The following ROBO2 variants were observed in gnomAD, a reference collection of about 807,000 sequenced individuals.
The protein encoded by ROBO2 is roundabout homolog 2.
ROBO2 carries 53 observed loss-of-function variants against 160.8 expected under a neutral mutation model. The ratio of observed to expected loss-of-function variants is 0.33; its 90% CI spans 0.26 to 0.41. The LOEUF (loss-of-function observed/expected upper bound fraction) is 0.41. ROBO2 is among the 10% of genes least tolerant of loss of function. The pLI, the probability that ROBO2 is intolerant of heterozygous loss-of-function variation, is 1.00. For missense variants in ROBO2, 1,577 were observed against 1,722.4 expected (o/e 0.92, Z 1.49); for synonymous variants, 664 against 611.7 (o/e 1.09, Z -1.26).
chr3:76,815,445 GAA>G (rs5850292), intron 2 of ROBO2, among the ~76,000 whole-genome samples: 4 of 139,910 alleles, frequency 2.9e-5, no homozygotes, highest in Admixed American at 7.0e-5. Context: ...CAGAAAAATT[GAA>G]AAAAAAAAAG....
At chr3:77,302,007 A>G (rs1316372807) in intron 2 of ROBO2, among the ~76,000 whole-genome samples, 2 of 151,936 alleles carry the variant, frequency 1.3e-5, no homozygotes, top group Admixed American at 6.6e-5. Context: ...GGCTCAAGCA[A>G]TCCTCCTGCC....
At chr3:77,407,308 G>A (rs905225179) in intron 2 of ROBO2, among the ~76,000 whole-genome samples, 2 of 151,890 alleles carry the variant, frequency 1.3e-5, no homozygotes, top group Non-Finnish European at 2.9e-5. Flanking sequence ...ATCAACTCTA[G>A]AGTAGTTTTC....
intron 2 of ROBO2, among the ~76,000 whole-genome samples, chr3:76,951,595 A>G (rs1448538715): frequency 2.0e-5 from 3 of 152,200 alleles, no homozygotes; most frequent in Non-Finnish European, 4.4e-5. Flanking sequence ...TGAACTTTTT[A>G]AAGTGTTATT....
chr3:77,351,957 G>C (rs2068397577), intron 2 of ROBO2, among the ~76,000 whole-genome samples: 2 of 151,672 alleles, frequency 1.3e-5, no homozygotes, highest in South Asian at 2.1e-4. Flanking sequence ...TGGAGTGGGG[G>C]CAGGGGGGAG....
At chr3:76,009,410 C>T (rs964886994) in intron 2 of ROBO2, among the ~76,000 whole-genome samples, 39 of 152,208 alleles carry the variant, frequency 2.6e-4, no homozygotes, top group African/African-American at 8.2e-4. Context: ...GCTGAAGATC[C>T]GATTCTCTTA....
At chr3:77,203,055 T>C (rs1161810418) in intron 2 of ROBO2, among the ~76,000 whole-genome samples, 1 of 152,214 alleles carries the variant, frequency 6.6e-6, no homozygotes, top group Admixed American at 6.5e-5. Flanking sequence ...AGTCATGGTG[T>C]AAAGTCAGTT....
rs1345124215 is a variant in ROBO2 at position 76,803,446 on chromosome 3, G to C, written c.110-294568G>C. On this transcript the variant is annotated intron_variant, in intron 2 of 26. Coordinates refer to the ROBO2 transcript ENST00000487694. ...GATACAAAAGAGGAGGAAGGATGGA[G>C]GGAAGGAAGGAAGGAAGAAAGGAAG... Among the ~76,000 whole-genome samples the C allele has an allele frequency of 2.7e-5, 4 of 146,842 alleles. No homozygotes were observed. The East Asian group carries it at 6.3e-4, about 23-fold the overall frequency.
intron 2 of ROBO2, among the ~76,000 whole-genome samples, chr3:76,637,806 T>C (rs562519904): frequency 1.3e-5 from 2 of 152,320 alleles, no homozygotes; most frequent in South Asian, 4.1e-4. Context: ...GTCTAAGCTT[T>C]TGTCCTCATA....
At chr3:76,641,489 A>G (rs902633739) in intron 2 of ROBO2, among the ~76,000 whole-genome samples, 26 of 152,304 alleles carry the variant, frequency 1.7e-4, no homozygotes, top group African/African-American at 5.3e-4. Flanking sequence ...TCAAAAGTAC[A>G]TAGATCATGA....
chr3:75,930,045 G>A (rs1947468349), intron 1 of ROBO2, among the ~76,000 whole-genome samples: 1 of 152,130 alleles, frequency 6.6e-6, no homozygotes, highest in African/African-American at 2.4e-5. Flanking sequence ...TCATCTTCAG[G>A]CAAGTTCAGC....
chr3:77,526,592 A>T (rs1165279778), intron 6 of ROBO2, among the ~76,000 whole-genome samples: 1 of 151,564 alleles, frequency 6.6e-6, no homozygotes, highest in Non-Finnish European at 1.5e-5. Context: ...TTCATTTTTA[A>T]AAAAGGATTA....
intron 2 of ROBO2, among the ~76,000 whole-genome samples, chr3:77,442,481 G>T (rs1458045391): frequency 6.6e-6 from 1 of 152,050 alleles, no homozygotes; most frequent in African/African-American, 2.4e-5. Flanking sequence ...CTTCATGGCA[G>T]AGCTGTATCA....
intron 1 of ROBO2, among the ~76,000 whole-genome samples, chr3:75,924,155 AG>A (rs1326287324): frequency 4.6e-5 from 7 of 152,202 alleles, no homozygotes; most frequent in African/African-American, 1.7e-4. Flanking sequence ...GACCCTTAAT[AG>A]GATGACCTTT....
intron 2 of ROBO2, among the ~76,000 whole-genome samples, chr3:76,801,684 C>A (rs921899426): frequency 1.3e-5 from 2 of 152,086 alleles, no homozygotes; most frequent in Non-Finnish European, 2.9e-5. Flanking sequence ...TTATCACTTG[C>A]GTATTCACTG....
chr3:77,534,177 T>C (rs531338069), intron 6 of ROBO2, among the ~76,000 whole-genome samples: 2 of 152,218 alleles, frequency 1.3e-5, no homozygotes, highest in African/African-American at 2.4e-5. Flanking sequence ...GGGGCTATAG[T>C]AGTTTTTTCT....
At chr3:76,881,047 A>T (rs1452253346) in intron 2 of ROBO2, among the ~76,000 whole-genome samples, 2 of 152,174 alleles carry the variant, frequency 1.3e-5, no homozygotes, top group African/African-American at 4.8e-5. Context: ...GAGGGCCATT[A>T]GCTGTGATGC....
intron 2 of ROBO2, among the ~76,000 whole-genome samples, chr3:77,191,629 G>T (rs2081862958): frequency 6.6e-6 from 1 of 152,170 alleles, no homozygotes; most frequent in Admixed American, 6.5e-5. Flanking sequence ...AAGGCTACAA[G>T]TTATGATTTA....
chr3:76,328,342 A>G (rs973838540), intron 2 of ROBO2, among the ~76,000 whole-genome samples: 1 of 152,240 alleles, frequency 6.6e-6, no homozygotes, highest in East Asian at 1.9e-4. Flanking sequence ...CATTGTGGTA[A>G]CTAGGTAATT....
At chr3:76,748,071 C>G (rs1487110490) in intron 2 of ROBO2, among the ~76,000 whole-genome samples, 1 of 151,890 alleles carries the variant, frequency 6.6e-6, no homozygotes, top group East Asian at 1.9e-4. Context: ...GCTAAGGGGA[C>G]TAGTCAAAAA....
Sources: gnomAD v4.1 joint callset for allele counts (sites outside exome capture counted in the v4.1 genomes callset) on GRCh38, gnomAD v4.1.1 for gene constraint, MANE v1.5 for transcripts, NCBI Gene and HGNC (gene_info 2026-07-23, HGNC 2026-07-21) for gene names.